EIF4ENIF1: variants seen among roughly 807,000 people sequenced by gnomAD.
EIF4ENIF1 encodes the protein eukaryotic translation initiation factor 4E transporter.
EIF4ENIF1 carries 23 observed loss-of-function variants against 110.5 expected under a neutral mutation model. The ratio of observed to expected loss-of-function variants is 0.21; its 90% confidence interval spans 0.15 to 0.29. The LOEUF is 0.29. EIF4ENIF1 is among the 10% of genes least tolerant of loss of function. EIF4ENIF1 has a pLI of 1.00. For synonymous variants in EIF4ENIF1, 440 were observed against 437.0 expected (o/e 1.01, Z -0.09); for missense variants, 1,031 against 1,221.1 (o/e 0.84, Z 2.32).
At chr22:31,492,295 G>A (rs559757596), upstream of EIF4ENIF1, among the ~76,000 whole-genome samples, 10 of 152,180 alleles carry the variant, frequency 6.6e-5, no homozygotes, top group South Asian at 2.1e-4. Context: ...GAGTCAGCAC[G>A]GCTACCCTAT....
chr22:31,459,957 T>C (rs1009885012), intron 6 of EIF4ENIF1, among the ~76,000 whole-genome samples: 2 of 152,182 alleles, frequency 1.3e-5, no homozygotes, highest in Non-Finnish European at 2.9e-5. Flanking sequence ...CTGCACTTGA[T>C]ACAAGAATGG....
intron 2 of EIF4ENIF1, among the ~76,000 whole-genome samples, chr22:31,478,262 C>T (rs2051665198): frequency 6.6e-6 from 1 of 152,152 alleles, no homozygotes; most frequent in African/African-American, 2.4e-5. Flanking sequence ...CACCTGTAAT[C>T]TCAAAACATT....
intron 16 of EIF4ENIF1, 60 bp from the exon 17 acceptor site, chr22:31,442,178 C>A: frequency 7.8e-7 from 1 of 1,279,288 alleles, no homozygotes. Flanking sequence ...TGTGGCCTCC[C>A]ACTGGTCTAA....
chr22:31,488,524 C>A (rs2052130212), intron 2 of EIF4ENIF1, 99 bp downstream of exon 2: 1 of 1,521,876 alleles, frequency 6.6e-7, no homozygotes, highest in African/African-American at 1.4e-5. Flanking sequence ...TGTAGTGAGT[C>A]AGAATGAGAT....
chr22:31,440,067 G>A lies in EIF4ENIF1; in HGVS notation c.2771C>T (p.Thr924Ile), dbSNP rs369629903. 2 of 1,614,184 alleles carry A rather than the reference G, an allele frequency of 1.2e-6. No individual in the cohort carries two copies. Among genetic ancestry groups the A allele is most frequent in the Non-Finnish European group, 1.7e-6 (2 of 1,180,016 alleles). Reference sequence around the variant, plus strand: ...TGACCGGCTGGGCACGTTCTGAGGGGTTGTCTGAACGCTGACAGCTGCTGC... The same window carrying A: ...TGACCGGCTGGGCACGTTCTGAGGGATTGTCTGAACGCTGACAGCTGCTGC... ...SHAAAVSVQT[T>I]PQNVPSRSGL... is the part of the protein sequence containing the mutation. The change falls in exon 19 of 19, where the codon ACC becomes ATC. Residue 924 changes from threonine to isoleucine, a missense_variant. Transcript: ENST00000330125.
chr22:31,480,547 C>T (rs2051774435), intron 2 of EIF4ENIF1, among the ~76,000 whole-genome samples: 1 of 152,112 alleles, frequency 6.6e-6, no homozygotes, highest in African/African-American at 2.4e-5. Flanking sequence ...CACCTGAGGT[C>T]AGAAGTTTGA....
chr22:31,493,180 G>A (rs1263318070), upstream of EIF4ENIF1, among the ~76,000 whole-genome samples: 2 of 151,946 alleles, frequency 1.3e-5, no homozygotes, highest in African/African-American at 2.4e-5. Context: ...ACAGGCGCCC[G>A]CCACCACGCC....
At chr22:31,443,978 G>A (rs2050384597) in intron 15 of EIF4ENIF1, among the ~76,000 whole-genome samples, 1 of 151,830 alleles carries the variant, frequency 6.6e-6, no homozygotes, top group Admixed American at 6.6e-5. Context: ...TTGTATTAGG[G>A]GTAGAGACAG....
Position 31,442,992 on chromosome 22 carries a change from T to C in EIF4ENIF1, c.2176A>G (p.Ser726Gly). 1.2e-6 allele frequency: 2 copies of C among 1,614,150 alleles called. No individual in the cohort carries two copies. Among genetic ancestry groups the C allele is most frequent in the Non-Finnish European group, 1.7e-6 (2 of 1,179,984 alleles). Residue 726 changes from serine (S) to glycine (G), a missense_variant, in exon 16 of 19, where the codon AGT (serine) becomes GGT (glycine). Transcript: ENST00000330125. The part of the protein sequence containing the change: ...PASGKAALGD[S>G]KEDTQKASEE... ...CTGGCCTTCTGAGTATCCTCTTTACTGTCACCAAGAGCTGCTTTTCCAGAT... is the reference window on the plus strand; with the variant it reads ...CTGGCCTTCTGAGTATCCTCTTTACCGTCACCAAGAGCTGCTTTTCCAGAT...
intron 14 of EIF4ENIF1, 63 bp downstream of exon 14, chr22:31,447,363 T>G (rs1381085163): frequency 5.0e-6 from 8 of 1,592,626 alleles, no homozygotes; most frequent in Middle Eastern, 4.5e-4. Context: ...TGCAGATAAG[T>G]AATTTATTAG....
At chr22:31,444,465 T>C in intron 15 of EIF4ENIF1, 141 bp downstream of exon 15, 2 of 775,438 alleles carry the variant, frequency 2.6e-6, no homozygotes, top group Non-Finnish European at 4.5e-6. Context: ...AAAGACCTAA[T>C]AGACAGTTAT....
rs781090449 is a variant in EIF4ENIF1 at position 31,440,741 on chromosome 22, C to G, written c.2679G>C (p.Leu893=). ...PLLNPRPGTP[L]HLAMVQQQLQ... The stretch of plus-strand genomic sequence containing the variant: ...GCTGCTGTTGCACCATTGCCAGATG[C>G]AGAGGTGTTCCAGGACGAGGGTTTA... The change falls in exon 18 of 19, where the codon CTG becomes CTC. Residue 893 remains leucine (L), a synonymous_variant. Coordinates refer to ENST00000330125, the MANE Select transcript of EIF4ENIF1 (RefSeq NM_019843.4). 28 of 1,613,868 alleles carry G rather than the reference C, an allele frequency of 1.7e-5. No individual in the cohort carries two copies. In the Admixed American group the frequency reaches 4.5e-4, roughly 26 times the overall value.
intron 16 of EIF4ENIF1, among the ~76,000 whole-genome samples, chr22:31,442,552 G>A (rs1041463477): frequency 2.0e-5 from 3 of 152,082 alleles, no homozygotes; most frequent in African/African-American, 7.2e-5. Flanking sequence ...AATCCCTACT[G>A]TGCAACTCCT....
At chr22:31,472,220 C>T (rs2051403626) in intron 2 of EIF4ENIF1, among the ~76,000 whole-genome samples, 1 of 151,850 alleles carries the variant, frequency 6.6e-6, no homozygotes, top group South Asian at 2.1e-4. Flanking sequence ...GATAAAACCT[C>T]TGCCTAATCT....
rs1362564562 is a variant in EIF4ENIF1 at position 31,463,089 on chromosome 22, T to C, written c.630A>G (p.Arg210=). Residue 210 remains arginine (R), a synonymous_variant, in exon 6 of 19, where the codon AGA becomes AGG. Coordinates refer to ENST00000330125, the MANE Select transcript of EIF4ENIF1 (RefSeq NM_019843.4). ...DSKRVFGERR[R]NDSYTEEEPE... is the part of the protein sequence containing the mutation. ...GTTCTTCTTCTGTGTAAGAATCATT[T>C]CTTCTACGCTCACCAAAGACACGCT... 2.5e-6 allele frequency: 4 copies of C among 1,614,064 alleles called. No individual in the cohort carries two copies. Among genetic ancestry groups the C allele is most frequent in the Admixed American group, 1.7e-5 (1 of 59,994 alleles).
At chr22:31,480,279 T>C (rs1601647147) in intron 2 of EIF4ENIF1, among the ~76,000 whole-genome samples, 1 of 152,280 alleles carries the variant, frequency 6.6e-6, no homozygotes, top group East Asian at 1.9e-4. Context: ...ACACCCACTT[T>C]TGGTGATCAC....
intron 18 of EIF4ENIF1, 102 bp from the exon 19 acceptor site, chr22:31,440,223 T>C (rs2050249737): frequency 1.9e-6 from 3 of 1,540,274 alleles, no homozygotes; most frequent in Admixed American, 1.9e-5. Flanking sequence ...TACTAGAGGA[T>C]TTTTTCTAGG....
intron 2 of EIF4ENIF1, among the ~76,000 whole-genome samples, chr22:31,472,773 A>G (rs2051428416): frequency 6.6e-6 from 1 of 152,164 alleles, no homozygotes; most frequent in African/African-American, 2.4e-5. Context: ...TCAAGTCAGG[A>G]TATCTCGGGT....
intron 15 of EIF4ENIF1, among the ~76,000 whole-genome samples, chr22:31,443,619 C>T (rs571777962): frequency 6.6e-6 from 1 of 152,214 alleles, no homozygotes; most frequent in African/African-American, 2.4e-5. Context: ...CAAACAACCC[C>T]ACATCTTTGA....
Sources: allele counts gnomAD v4.1 joint callset (sites outside exome capture counted in the v4.1 genomes callset), GRCh38; gene constraint gnomAD v4.1.1; transcripts MANE v1.5; gene names NCBI Gene and HGNC (gene_info 2026-07-23, HGNC 2026-07-21).